The following BRD4 variants were observed in gnomAD, a reference collection of about 807,000 sequenced individuals.
The protein encoded by BRD4 is bromodomain-containing protein 4.
BRD4 carries 16 observed loss-of-function variants against 142.1 expected under a neutral mutation model. That is an observed-to-expected ratio of 0.11 (90% CI 0.08 to 0.17). BRD4 has a LOEUF of 0.17. Among genes scored for constraint, BRD4 ranks in the 10% least tolerant of loss-of-function variants. The probability of loss-of-function intolerance (pLI) is 1.00; values close to 1 mark genes in which losing one functional copy is unlikely to be tolerated. For synonymous variants in BRD4, 833 were observed against 707.5 expected (o/e 1.18, Z -2.82); for missense variants, 1,424 against 1,810.9 (o/e 0.79, Z 3.88).
rs116282393 is a variant in BRD4, at chr19:15,272,606, A to C, written c.285+209T>G. 6.4e-3 allele frequency among the ~76,000 whole-genome samples: 975 copies of C among 152,278 alleles called. 9 individuals carry two copies. Among genetic ancestry groups the C allele is most frequent in the African/African-American group, 0.022 (923 of 41,538 alleles). ...TTTCCCCAGGATTCCAATATCTAAGAAACCAGTTATTGTTAAGCCAATTAG... is the reference window on the plus strand; with the variant it reads ...TTTCCCCAGGATTCCAATATCTAAGCAACCAGTTATTGTTAAGCCAATTAG... On this transcript the variant is annotated intron_variant, in intron 2 of 19. Transcript: ENST00000679869.
At chr19:15,283,572 G>C (rs573494384) in intron 1 of BRD4, among the ~76,000 whole-genome samples, 1 of 152,266 alleles carries the variant, frequency 6.6e-6, no homozygotes, top group South Asian at 2.1e-4. Context: ...CATGGTTCAT[G>C]ACCACAATGC....
At chr19:15,285,981 C>A (rs1456822195) in intron 1 of BRD4, among the ~76,000 whole-genome samples, 1 of 152,118 alleles carries the variant, frequency 6.6e-6, no homozygotes, top group East Asian at 1.9e-4. Context: ...ACTGGCCTTC[C>A]CTAGCTCCCT....
chr19:15,312,350 G>C (rs1305882653), intron 1 of BRD4, among the ~76,000 whole-genome samples: 1 of 151,882 alleles, frequency 6.6e-6, no homozygotes, highest in African/African-American at 2.4e-5. Flanking sequence ...GTACAAAAAA[G>C]GGGCCAGGTG....
intron 1 of BRD4, among the ~76,000 whole-genome samples, chr19:15,290,310 T>A (rs570959873): frequency 6.6e-6 from 1 of 152,320 alleles, no homozygotes; most frequent in African/African-American, 2.4e-5. Context: ...ATTTCAATTC[T>A]CTTCAAGACG....
At chr19:15,261,504 GAA>G (rs1190300968) in intron 7 of BRD4, among the ~76,000 whole-genome samples, 1 of 151,810 alleles carries the variant, frequency 6.6e-6, no homozygotes, top group African/African-American at 2.4e-5. Context: ...AAGAAAGAAA[GAA>G]AGAAATTAAA....
rs766399636 is a variant in BRD4 at position 15,255,566 on chromosome 19, C to A, written c.1778G>T (p.Ser593Ile). Residue 593 changes from serine to isoleucine, a missense_variant, in exon 10 of 20, where the codon AGC (serine) becomes ATC (isoleucine). Around this residue, in one of 16 missense-constraint regions of BRD4, gnomAD observed 86 missense variants for 78.9 expected, o/e 1.09. Transcript: ENST00000679869. ...VSKKEPAPMK[S>I]KPPPTYESEE... ...CGACTCATACGTGGGAGGGGGCTTGCTCTTCATGGGCGCTGGCTCCTTCTT... is the reference window on the plus strand; with the variant it reads ...CGACTCATACGTGGGAGGGGGCTTGATCTTCATGGGCGCTGGCTCCTTCTT... The A allele has an allele frequency of 6.2e-7, 1 of 1,609,382 alleles. No homozygotes were observed. Among genetic ancestry groups the A allele is most frequent in the Non-Finnish European group, 8.5e-7 (1 of 1,176,028 alleles).
chr19:15,255,947 C>A (rs905320528), intron 9 of BRD4, 117 bp downstream of exon 9: 2 of 1,366,542 alleles, frequency 1.5e-6, no homozygotes, highest in African/African-American at 1.5e-5. Flanking sequence ...GAAGCCACGG[C>A]TGCAGAGGGG....
chr19:15,300,169 C>T (rs2047855743), intron 1 of BRD4, among the ~76,000 whole-genome samples: 2 of 152,064 alleles, frequency 1.3e-5, no homozygotes, highest in South Asian at 2.1e-4. Context: ...CGCTTGAACC[C>T]GGGAGGCAGA....
Position 15,257,186 on chromosome 19 carries a change from A to T in BRD4, c.1342-13T>A, listed in dbSNP as rs2047420196. On this transcript the variant is annotated splice_polypyrimidine_tract_variant and intron_variant, in intron 7 of 19. Coordinates refer to ENST00000679869, the MANE Select transcript of BRD4 (RefSeq NM_001379291.1). ...TTTCGAACACATCCTGGTGAGGGAAAGACATGCTGTGACGGCTGCTGGGTA... is the reference window on the plus strand; with the variant it reads ...TTTCGAACACATCCTGGTGAGGGAATGACATGCTGTGACGGCTGCTGGGTA... 1 of 1,591,406 alleles carries T rather than the reference A, an allele frequency of 6.3e-7. No homozygotes were observed.
intron 1 of BRD4, among the ~76,000 whole-genome samples, chr19:15,328,606 G>C (rs947738365): frequency 2.0e-5 from 3 of 152,168 alleles, no homozygotes; most frequent in African/African-American, 7.2e-5. Context: ...CATTTTTAAA[G>C]CGGGATTATT....
chr19:15,240,401 C>T (rs896351142), intron 14 of BRD4, among the ~76,000 whole-genome samples: 1 of 152,158 alleles, frequency 6.6e-6, no homozygotes, highest in African/African-American at 2.4e-5. Context: ...AGGGCCTGGG[C>T]CCTAATACTT....
At chr19:15,270,224 C>T (rs1264152688) in intron 2 of BRD4, among the ~76,000 whole-genome samples, 3 of 152,162 alleles carry the variant, frequency 2.0e-5, no homozygotes, top group East Asian at 1.9e-4. Flanking sequence ...AGGCCCTGCT[C>T]GGGATGGTAG....
chr19:15,256,914 C>A (rs2145575381), intron 8 of BRD4, 50 bp downstream of exon 8: 1 of 1,487,078 alleles, frequency 6.7e-7, no homozygotes, highest in South Asian at 1.3e-5. Flanking sequence ...GGGAGGCCAC[C>A]CTGGTCCACG....
intron 2 of BRD4, 42 bp from the exon 3 acceptor site, chr19:15,269,084 C>G: frequency 3.1e-6 from 5 of 1,609,616 alleles, no homozygotes; most frequent in Non-Finnish European, 4.2e-6. Context: ...CCTAGGCAGC[C>G]AGGCAGCACA....
chr19:15,260,699 ACT>A (rs760829397), intron 7 of BRD4, among the ~76,000 whole-genome samples: 7 of 150,188 alleles, frequency 4.7e-5, no homozygotes, highest in Non-Finnish European at 8.8e-5. Context: ...GTAGGAAGAA[ACT>A]CTACTGCTGC....
rs201603972 is a variant in BRD4 at position 15,255,550 on chromosome 19, C to A, written c.1794G>T (p.Thr598=). 2 of 1,611,146 alleles carry A rather than the reference C, an allele frequency of 1.2e-6. No homozygotes were observed. The highest frequency in any genetic ancestry group is 1.7e-6 in the Non-Finnish European group (2 of 1,177,614). ...ACTTGTCCTCTTCCTCCGACTCATA[C>A]GTGGGAGGGGGCTTGCTCTTCATGG... is the stretch of plus-strand genomic sequence containing the variant. ...PAPMKSKPPP[T]YESEEEDKCK... Residue 598 remains threonine (T), a synonymous_variant, in exon 10 of 20, where the codon ACG becomes ACT. Coordinates refer to ENST00000679869, the MANE Select transcript of BRD4 (RefSeq NM_001379291.1).
At chr19:15,265,819 A>G (rs2047528866) in intron 4 of BRD4, among the ~76,000 whole-genome samples, 176 bp from the exon 5 acceptor site, 1 of 152,128 alleles carries the variant, frequency 6.6e-6, no homozygotes, top group African/African-American at 2.4e-5. Flanking sequence ...CTGGGGCTCA[A>G]AGAACAGCAG....
intron 13 of BRD4, 73 bp downstream of exon 13, chr19:15,244,158 G>A (rs993972596): frequency 6.5e-7 from 1 of 1,534,070 alleles, no homozygotes; most frequent in South Asian, 1.2e-5. Context: ...CCCAGCCAGA[G>A]TGCTCGGACA....
Position 15,249,603 on chromosome 19 carries a change from G to A in BRD4, c.2158+4549C>T, listed in dbSNP as rs191523530. Among the ~76,000 whole-genome samples, 7 of 152,290 alleles carry A rather than the reference G, an allele frequency of 4.6e-5. No homozygotes were observed. In the East Asian group the frequency reaches 1.4e-3, roughly 29 times the overall value. ...AGCTCCACGTGTGCCCTGCCTGAGCGCACGCCGGCATTTCCTTTACTGCCC... is the reference window on the plus strand; with the variant it reads ...AGCTCCACGTGTGCCCTGCCTGAGCACACGCCGGCATTTCCTTTACTGCCC... On this transcript the variant is annotated intron_variant, in intron 11 of 19. Coordinates refer to ENST00000679869, the MANE Select transcript of BRD4 (RefSeq NM_001379291.1).
Sources: allele counts gnomAD v4.1 joint callset (sites outside exome capture counted in the v4.1 genomes callset), GRCh38; gene constraint gnomAD v4.1.1; regional missense constraint gnomAD v4.1.1; transcripts MANE v1.5; gene names NCBI Gene and HGNC (gene_info 2026-07-23, HGNC 2026-07-21).